Variants in NCAM2 observed in about 807,000 individuals in gnomAD.
The protein encoded by NCAM2 is neural cell adhesion molecule 2, also known as N-CAM-2.
A neutral mutation model predicts 98.1 loss-of-function variants in NCAM2; 30 were observed. The observed-to-expected ratio is 0.31, with a 90% CI of 0.23 to 0.41. The LOEUF (loss-of-function observed/expected upper bound fraction) is 0.41, where lower values mean the gene tolerates loss of function less well. Among genes scored for constraint, NCAM2 ranks in the 10% least tolerant of loss-of-function variants. The pLI is 1.00. For missense variants in NCAM2, 867 were observed against 1,005.8 expected (o/e 0.86, Z 1.87); for synonymous variants, 368 against 342.4 (o/e 1.07, Z -0.83).
intron 1 of NCAM2, among the ~76,000 whole-genome samples, chr21:21,082,281 C>CAAAAAAAAA (rs11384165): frequency 1.2e-4 from 15 of 127,816 alleles, no homozygotes; most frequent in Non-Finnish European, 1.3e-4. Context: ...GAGCTCAAAA[C>CAAAAAAAAA]AAAAAAAAAA....
At chr21:21,118,816 C>A (rs1284105645) in intron 1 of NCAM2, among the ~76,000 whole-genome samples, 1 of 152,110 alleles carries the variant, frequency 6.6e-6, no homozygotes, top group Non-Finnish European at 1.5e-5. Context: ...CCCCAACACA[C>A]ACTTCTTAGT....
chr21:21,186,628 T>C (rs1302351651), intron 1 of NCAM2, among the ~76,000 whole-genome samples: 1 of 152,118 alleles, frequency 6.6e-6, no homozygotes, highest in Non-Finnish European at 1.5e-5. Flanking sequence ...TTATATTTAG[T>C]AAAAGGTTAA....
rs537244102 is a variant in NCAM2 at position 21,193,909 on chromosome 21, T to C, written c.56-86669T>C. 2.6e-5 allele frequency among the ~76,000 whole-genome samples: 4 copies of C among 152,310 alleles called. No individual in the cohort carries two copies. The East Asian group carries it at 7.7e-4, about 29-fold the overall frequency. ...AGAATATAACTGTTACAATTAAATATGGGTATTGAATTTAAAATGTTTTTA... is the reference window on the plus strand; with the variant it reads ...AGAATATAACTGTTACAATTAAATACGGGTATTGAATTTAAAATGTTTTTA... On this transcript the variant is annotated intron_variant, in intron 1 of 17. Transcript: ENST00000400546.
intron 1 of NCAM2, among the ~76,000 whole-genome samples, chr21:21,264,751 TACA>T: frequency 1.2e-4 from 1 of 8,058 alleles, no homozygotes; most frequent in Non-Finnish European, 2.7e-4. Flanking sequence ...TGTATATATA[TACA>T]TATATATATA....
intron 17 of NCAM2, among the ~76,000 whole-genome samples, chr21:21,537,483 A>G (rs1161607530): frequency 6.6e-6 from 1 of 152,186 alleles, no homozygotes; most frequent in East Asian, 1.9e-4. Flanking sequence ...ATGTAATTAT[A>G]TTTTGGAGAT....
At chr21:21,453,687 G>C (rs906228236) in intron 12 of NCAM2, among the ~76,000 whole-genome samples, 2 of 152,010 alleles carry the variant, frequency 1.3e-5, no homozygotes, top group Non-Finnish European at 2.9e-5. Context: ...CATATGTTTA[G>C]TAAAGATGAA....
chr21:21,482,934 T>C (rs1199420303), intron 15 of NCAM2, among the ~76,000 whole-genome samples: 3 of 152,034 alleles, frequency 2.0e-5, no homozygotes, highest in African/African-American at 7.2e-5. Context: ...TGGGAAACTA[T>C]AGCAGATTAA....
At chr21:21,133,824 C>A (rs1465426874) in intron 1 of NCAM2, among the ~76,000 whole-genome samples, 4 of 152,152 alleles carry the variant, frequency 2.6e-5, no homozygotes, top group Admixed American at 6.5e-5. Context: ...AACCAACTTT[C>A]ACTGGAGGAA....
chr21:21,102,625 G>T (rs73894434), intron 1 of NCAM2, among the ~76,000 whole-genome samples: 3,218 of 150,664 alleles, frequency 0.021, 97 homozygotes, highest in African/African-American at 0.059. Context: ...AAGTTTTGAG[G>T]GGGGAAAAAG....
intron 1 of NCAM2, among the ~76,000 whole-genome samples, chr21:21,149,567 GC>G (rs1368208579): frequency 2.0e-5 from 3 of 149,590 alleles, no homozygotes; most frequent in East Asian, 3.9e-4. Flanking sequence ...CCCTCCCCTT[GC>G]CCCCCACCCC....
intron 1 of NCAM2, among the ~76,000 whole-genome samples, chr21:21,013,021 C>T (rs1195445611): frequency 3.3e-5 from 5 of 152,120 alleles, no homozygotes. Flanking sequence ...CTCTTCAGAC[C>T]TTCCATTCCC....
chr21:21,301,596 T>C (rs1408474238), intron 5 of NCAM2, among the ~76,000 whole-genome samples: 1 of 116,038 alleles, frequency 8.6e-6, no homozygotes, highest in Non-Finnish European at 1.7e-5. Flanking sequence ...CCATGTGATC[T>C]CATTGTTCAA....
Position 21,509,147 on chromosome 21 carries a change from T to G in NCAM2, c.2282+92T>G, listed in dbSNP as rs747513999. 7 of 1,240,790 alleles carry G rather than the reference T, an allele frequency of 5.6e-6. No homozygotes were observed. The South Asian group carries it at 9.2e-5, about 16-fold the overall frequency. 76.9% of individuals were successfully genotyped at this position (1,240,790 alleles called of 1,614,324 possible). A position where few individuals can be genotyped will look rare whatever the true frequency, so the allele number is the denominator to read the frequency against. On this transcript the variant is annotated intron_variant, in intron 16 of 17. Transcript: ENST00000400546. ...CTGAGGGCGTTGTAGGGTAAAGGAG[T>G]AGGGTAAAGAGTTTGATTATGCAAC...
chr21:21,190,086 G>A (rs148412389), intron 1 of NCAM2, among the ~76,000 whole-genome samples: 2 of 152,268 alleles, frequency 1.3e-5, no homozygotes, highest in African/African-American at 4.8e-5. Flanking sequence ...ACCAAATTTG[G>A]ACTATGCAGA....
chr21:21,036,958 A>G (rs2064812905), intron 1 of NCAM2, among the ~76,000 whole-genome samples: 1 of 152,180 alleles, frequency 6.6e-6, no homozygotes, highest in Non-Finnish European at 1.5e-5. Flanking sequence ...CTCCTGCACA[A>G]ATGGCAGCTT....
intron 1 of NCAM2, among the ~76,000 whole-genome samples, chr21:21,068,660 A>G (rs1054467917): frequency 1.3e-5 from 2 of 152,004 alleles, no homozygotes; most frequent in African/African-American, 4.8e-5. Flanking sequence ...GGGTTTCACC[A>G]TGTTGGTCAG....
rs376424506 is a variant in NCAM2 at position 21,537,963 on chromosome 21, A to G, written c.*6A>G. ...AAGACGACAGCAAAGCATAACAACA[A>G]TATTACAGGGGCTTGAACAACACTA... On this transcript the variant is annotated 3_prime_UTR_variant, in exon 18 of 18. Transcript: ENST00000400546. 34 of 1,466,868 alleles carry G rather than the reference A, an allele frequency of 2.3e-5. No homozygotes were observed. In the African/African-American group the frequency reaches 4.0e-4, roughly 17 times the overall value. The allele number at this position is 1,466,868 out of a possible 1,614,324, so 90.9% of individuals were successfully genotyped here. A position where few individuals can be genotyped will look rare whatever the true frequency, so the allele number is the denominator to read the frequency against.
At chr21:21,066,443 T>C (rs2065439627) in intron 1 of NCAM2, among the ~76,000 whole-genome samples, 1 of 152,042 alleles carries the variant, frequency 6.6e-6, no homozygotes, top group African/African-American at 2.4e-5. Flanking sequence ...GATATACACC[T>C]TTAAGGCATT....
chr21:21,477,312 C>A lies in NCAM2; in HGVS notation c.1918C>A (p.Leu640Ile). Residue 640 changes from leucine (L) to isoleucine (I), a missense_variant, in exon 15 of 18, where the codon CTA (leucine) becomes ATA (isoleucine). Transcript: ENST00000400546. ...YRSKDKEDQW[L>I]EKKVQGNKDH... ...ACAGAAAGATAAGGAAGACCAATGGCTAGAGAAAAAAGTGCAAGGAAATAA... is the reference window on the plus strand; with the variant it reads ...ACAGAAAGATAAGGAAGACCAATGGATAGAGAAAAAAGTGCAAGGAAATAA... The A allele has an allele frequency of 1.3e-6, 2 of 1,597,080 alleles. No individual in the cohort carries two copies. Among genetic ancestry groups the A allele is most frequent in the South Asian group, 1.1e-5 (1 of 88,490 alleles).
Sources: gnomAD v4.1 joint callset for allele counts (sites outside exome capture counted in the v4.1 genomes callset) on GRCh38, gnomAD v4.1.1 for gene constraint, MANE v1.5 for transcripts, NCBI Gene and HGNC (gene_info 2026-07-23, HGNC 2026-07-21) for gene names.